The following SYNDIG1 variants were observed in gnomAD, a reference collection of about 807,000 sequenced individuals.
The protein encoded by SYNDIG1 is synapse differentiation inducing 1.
Under a neutral mutation model 19.4 loss-of-function variants are expected in SYNDIG1, and 9 were observed. The observed-to-expected ratio is 0.46, with a 90% CI of 0.28 to 0.81. SYNDIG1 has a LOEUF of 0.81. Ranked by LOEUF, SYNDIG1 falls within the 30% of genes least tolerant of loss-of-function variation. The pLI, the probability that SYNDIG1 is intolerant of heterozygous loss-of-function variation, is 0.12. For missense variants in SYNDIG1, 311 were observed against 343.3 expected (o/e 0.91, Z 0.74); for synonymous variants, 141 against 145.9 (o/e 0.97, Z 0.24).
At chr20:24,665,219 T>A in intron 3 of SYNDIG1, 127 bp from the exon 4 acceptor site, 1 of 1,187,698 alleles carries the variant, frequency 8.4e-7, no homozygotes, top group Non-Finnish European at 1.2e-6. Flanking sequence ...GTGAGCACAG[T>A]TTCCCCCTCA....
chr20:24,608,748 G>A (rs73098741), intron 3 of SYNDIG1, among the ~76,000 whole-genome samples: 260 of 152,314 alleles, frequency 1.7e-3, no homozygotes, highest in Non-Finnish European at 2.9e-3. Flanking sequence ...ACCGCCCGAT[G>A]GCCGTCAGTA....
intron 3 of SYNDIG1, among the ~76,000 whole-genome samples, chr20:24,644,445 C>A (rs181305488): frequency 9.2e-5 from 14 of 152,204 alleles, no homozygotes; most frequent in Non-Finnish European, 1.6e-4. Flanking sequence ...CACTGGGATG[C>A]ACTTAGTGCC....
chr20:24,543,298 T>A lies in SYNDIG1; in HGVS notation c.201T>A (p.Ser67Arg), dbSNP rs1600573252. ...TVPASLDSSRSEPMQQLLDPN... is the reference protein window; with the variant it reads ...TVPASLDSSRREPMQQLLDPN... ...CGGCCAGCCTGGACAGCAGCAGGAG[T>A]GAGCCGATGCAGCAGCTGCTGGACC... Residue 67 changes from serine to arginine, a missense_variant, in exon 2 of 4, where the codon AGT becomes AGA. Ser to Arg is a moderately radical substitution (Grantham distance 110, BLOSUM62 -1). Transcript: ENST00000376862. The A allele has an allele frequency of 5.0e-6, 8 of 1,612,400 alleles. No individual in the cohort carries two copies. The highest frequency in any genetic ancestry group is 5.9e-6 in the Non-Finnish European group (7 of 1,179,678).
chr20:24,645,364 C>T (rs981072861), intron 3 of SYNDIG1, among the ~76,000 whole-genome samples: 1 of 152,232 alleles, frequency 6.6e-6, no homozygotes, highest in Non-Finnish European at 1.5e-5. Context: ...ACCCACAACT[C>T]GAGATGAGCA....
intron 3 of SYNDIG1, among the ~76,000 whole-genome samples, chr20:24,633,364 C>T (rs1275364382): frequency 1.3e-5 from 2 of 152,186 alleles, no homozygotes; most frequent in East Asian, 1.9e-4. Context: ...CAGTGGAGTG[C>T]GTGATGCCCC....
chr20:24,640,318 A>G (rs2059359798), intron 3 of SYNDIG1, among the ~76,000 whole-genome samples: 1 of 151,244 alleles, frequency 6.6e-6, no homozygotes, highest in African/African-American at 2.4e-5. Context: ...GAAAAAAAAG[A>G]AGGAAAGAAA....
chr20:24,555,843 C>T (rs1463426265), intron 2 of SYNDIG1, among the ~76,000 whole-genome samples: 10 of 152,110 alleles, frequency 6.6e-5, no homozygotes, highest in Admixed American at 5.9e-4. Context: ...GAGCTGAGTT[C>T]AATTCCTGGG....
intron 3 of SYNDIG1, among the ~76,000 whole-genome samples, chr20:24,620,092 C>T (rs1185372398): frequency 2.0e-5 from 3 of 152,160 alleles, no homozygotes; most frequent in Non-Finnish European, 4.4e-5. Context: ...AACCTTCAAG[C>T]CACAATCTAT....
rs765949779 is a variant in SYNDIG1 at position 24,543,167 on chromosome 20, G to C, written c.70G>C (p.Gly24Arg). 5 of 1,614,120 alleles carry C rather than the reference G, an allele frequency of 3.1e-6. No homozygotes were observed. The South Asian group carries it at 5.5e-5, about 18-fold the overall frequency. ...SKISDAGKRN[G>R]LINTRNLMAE... ...AATCAGTGATGCTGGCAAGAGGAAT[G>C]GTTTAATTAACACCAGAAACTTGAT... Residue 24 changes from glycine to arginine, a missense_variant, in exon 2 of 4, where the codon GGT (glycine) becomes CGT (arginine). Physicochemically the swap from Gly to Arg is moderately radical, Grantham distance 125. Transcript: ENST00000376862.
At chr20:24,585,623 A>G (rs957681540) in intron 3 of SYNDIG1, among the ~76,000 whole-genome samples, 3 of 152,168 alleles carry the variant, frequency 2.0e-5, no homozygotes, top group Non-Finnish European at 4.4e-5. Flanking sequence ...TGCAACCTAC[A>G]TTTTGAAATA....
chr20:24,609,891 G>C (rs966516918), intron 3 of SYNDIG1, among the ~76,000 whole-genome samples: 2 of 152,000 alleles, frequency 1.3e-5, no homozygotes, highest in East Asian at 1.9e-4. Flanking sequence ...GCACCCCAAG[G>C]CTTCCCCATT....
chr20:24,543,304 G>C lies in SYNDIG1; in HGVS notation c.207G>C (p.Pro69=), dbSNP rs376681826. The part of the protein sequence containing the change: ...PASLDSSRSE[P]MQQLLDPNTL... ...GCCTGGACAGCAGCAGGAGTGAGCC[G>C]ATGCAGCAGCTGCTGGACCCCAACA... The change falls in exon 2 of 4, where the codon CCG becomes CCC. Residue 69 remains proline, a synonymous_variant. Transcript: ENST00000376862. The C allele has an allele frequency of 6.2e-7, 1 of 1,613,428 alleles. No homozygotes were observed. Among genetic ancestry groups the C allele is most frequent in the Non-Finnish European group, 8.5e-7 (1 of 1,180,036 alleles).
intron 1 of SYNDIG1, among the ~76,000 whole-genome samples, chr20:24,505,369 T>A (rs2056563334): frequency 6.6e-6 from 1 of 151,980 alleles, no homozygotes; most frequent in Admixed American, 6.6e-5. Flanking sequence ...GAGGCGGTCA[T>A]CCTCTGGACT....
chr20:24,596,853 C>T (rs2058603349), intron 3 of SYNDIG1: 2 of 152,244 alleles, frequency 1.3e-5, no homozygotes, highest in East Asian at 1.9e-4. Context: ...ATTCATTGGC[C>T]GTCGACTGGA....
At chr20:24,470,357 G>A (rs138692702) in intron 1 of SYNDIG1, among the ~76,000 whole-genome samples, 1 of 152,166 alleles carries the variant, frequency 6.6e-6, no homozygotes, top group South Asian at 2.1e-4. Context: ...GAATCCCGAC[G>A]GGCGACCGTG....
At chr20:24,569,894 G>A (rs2058112963) in intron 2 of SYNDIG1, among the ~76,000 whole-genome samples, 1 of 152,202 alleles carries the variant, frequency 6.6e-6, no homozygotes, top group African/African-American at 2.4e-5. Flanking sequence ...CCTAAGTGAT[G>A]AATATGTGAA....
rs1600823716 is a variant in SYNDIG1 at position 24,647,922 on chromosome 20, G to T, written c.619-17424G>T. Reference sequence around the variant, plus strand: ...CTAGAGGCTGGGCATCTGAGATCAGGGTACTAGCACGGTCAGGTTCTGGGG... The same window carrying T: ...CTAGAGGCTGGGCATCTGAGATCAGTGTACTAGCACGGTCAGGTTCTGGGG... On this transcript the variant is annotated intron_variant, in intron 3 of 3. Transcript: ENST00000376862. Among the ~76,000 whole-genome samples the T allele has an allele frequency of 2.0e-5, 3 of 152,020 alleles. No homozygotes were observed. In the South Asian group the frequency reaches 6.3e-4, roughly 32 times the overall value.
At chr20:24,532,911 A>T (rs1301229805) in intron 1 of SYNDIG1, among the ~76,000 whole-genome samples, 1 of 152,210 alleles carries the variant, frequency 6.6e-6, no homozygotes, top group African/African-American at 2.4e-5. Flanking sequence ...AATCCAAAAG[A>T]CATCACCAGG....
intron 1 of SYNDIG1, among the ~76,000 whole-genome samples, chr20:24,498,932 G>A (rs918091759): frequency 2.0e-5 from 3 of 152,152 alleles, no homozygotes; most frequent in Non-Finnish European, 4.4e-5. Context: ...TCATAGGGTG[G>A]TTCGAGTTTC....
Sources: gnomAD v4.1 joint callset for allele counts (sites outside exome capture counted in the v4.1 genomes callset) on GRCh38, gnomAD v4.1.1 for gene constraint, MANE v1.5 for transcripts, NCBI Gene and HGNC (gene_info 2026-07-23, HGNC 2026-07-21) for gene names.